ROBO2: variants seen among roughly 807,000 people sequenced by gnomAD.
The protein encoded by ROBO2 is roundabout guidance receptor 2, also known as roundabout homolog 2.
In ROBO2, 53 loss-of-function variants were observed where a neutral mutation model predicts 160.8. The observed-to-expected ratio is 0.33, with a 90% CI of 0.26 to 0.41. The LOEUF (loss-of-function observed/expected upper bound fraction) is 0.41. Among genes scored for constraint, ROBO2 ranks in the 10% least tolerant of loss-of-function variants. The pLI is 1.00. For synonymous variants in ROBO2, 664 were observed against 611.7 expected, an observed-to-expected ratio of 1.09 and a Z score of -1.26; for missense variants, 1,577 against 1,722.4, an observed-to-expected ratio of 0.92 and a Z score of 1.49.
At chr3:76,079,588 A>G (rs2068751948) in intron 2 of ROBO2, among the ~76,000 whole-genome samples, 1 of 151,474 alleles carries the variant, frequency 6.6e-6, no homozygotes, top group African/African-American at 2.4e-5. Context: ...GGTTCAAGCA[A>G]TTCTCCCACC....
At chr3:77,003,903 A>G (rs901694279) in intron 2 of ROBO2, among the ~76,000 whole-genome samples, 1 of 152,058 alleles carries the variant, frequency 6.6e-6, no homozygotes, top group African/African-American at 2.4e-5. Flanking sequence ...TGTGAGATGC[A>G]TGTTTTCTCT....
chr3:77,387,066 A>G (rs78866732), intron 2 of ROBO2, among the ~76,000 whole-genome samples: 6 of 152,020 alleles, frequency 3.9e-5, no homozygotes, highest in Non-Finnish European at 5.9e-5. Flanking sequence ...GGGATGTTAG[A>G]GTGAAATCTT....
intron 2 of ROBO2, among the ~76,000 whole-genome samples, chr3:76,876,683 A>G (rs1426155366): frequency 1.3e-5 from 2 of 152,132 alleles, no homozygotes; most frequent in South Asian, 4.1e-4. Context: ...TCAAGAAAAA[A>G]AAAAAAGAGT....
intron 2 of ROBO2, among the ~76,000 whole-genome samples, chr3:76,477,087 G>T (rs768790074): frequency 6.6e-6 from 1 of 152,144 alleles, no homozygotes; most frequent in Admixed American, 6.5e-5. Flanking sequence ...TGTCTACTCC[G>T]TGGAGGTGTC....
At chr3:75,944,755 A>T (rs528593165) in intron 2 of ROBO2, among the ~76,000 whole-genome samples, 1 of 152,328 alleles carries the variant, frequency 6.6e-6, no homozygotes, top group East Asian at 1.9e-4. Flanking sequence ...TTTCATAGTT[A>T]ATTATGTTTG....
intron 2 of ROBO2, among the ~76,000 whole-genome samples, chr3:77,102,031 C>T (rs1167023547): frequency 3.3e-5 from 5 of 152,174 alleles, no homozygotes; most frequent in Admixed American, 6.5e-5. Flanking sequence ...CAGAGTGAAA[C>T]CCTATCTCAA....
At chr3:76,353,693 T>G (rs1488981871) in intron 2 of ROBO2, among the ~76,000 whole-genome samples, 1 of 151,970 alleles carries the variant, frequency 6.6e-6, no homozygotes, top group Non-Finnish European at 1.5e-5. Context: ...TTTGAGACAC[T>G]ACAACCTTCG....
At chr3:76,248,813 T>A (rs1705799706) in intron 2 of ROBO2, among the ~76,000 whole-genome samples, 1 of 152,096 alleles carries the variant, frequency 6.6e-6, no homozygotes, top group South Asian at 2.1e-4. Flanking sequence ...AACCCTGTCA[T>A]TTCACCAACC....
intron 2 of ROBO2, among the ~76,000 whole-genome samples, chr3:77,431,322 A>C (rs541802338): frequency 8.5e-5 from 13 of 152,324 alleles, no homozygotes; most frequent in African/African-American, 3.1e-4. Context: ...TAAAGGGGTT[A>C]TGATCATCCA....
intron 2 of ROBO2, among the ~76,000 whole-genome samples, chr3:76,134,236 T>A (rs536892435): frequency 6.6e-6 from 1 of 151,878 alleles, no homozygotes; most frequent in South Asian, 2.1e-4. Flanking sequence ...TGGCACTCTC[T>A]TTTCTTTATT....
intron 2 of ROBO2, among the ~76,000 whole-genome samples, chr3:76,370,103 A>G (rs1333406078): frequency 1.3e-5 from 2 of 151,988 alleles, no homozygotes; most frequent in Non-Finnish European, 2.9e-5. Flanking sequence ...TGCATTTAGT[A>G]AAAGTCAGAT....
chr3:76,798,317 A>AAGAAAGAAAAG (rs1560581264), intron 2 of ROBO2, among the ~76,000 whole-genome samples: 1 of 151,160 alleles, frequency 6.6e-6, no homozygotes, highest in East Asian at 1.9e-4. Context: ...AGAAAGAAAA[A>AAGAAAGAAAAG]AGAACGAATG....
At chr3:76,423,242 G>T (rs1043224148) in intron 2 of ROBO2, among the ~76,000 whole-genome samples, 5 of 152,196 alleles carry the variant, frequency 3.3e-5, no homozygotes, top group African/African-American at 1.2e-4. Flanking sequence ...GAGCAGATAA[G>T]GAAGACACAG....
rs1418569820 is a variant in ROBO2 at position 77,575,134 on chromosome 3, C to T, written c.2203+404C>T. On this transcript the variant is annotated intron_variant, in intron 14 of 25. Transcript: ENST00000461745. ...ATTTTCTTTTATTAGCCACTTTTTCCTATGGGCACTGCCAGTCAAACCCAT... is the reference window on the plus strand; with the variant it reads ...ATTTTCTTTTATTAGCCACTTTTTCTTATGGGCACTGCCAGTCAAACCCAT... Among the ~76,000 whole-genome samples, 4 of 152,072 alleles carry T rather than the reference C, an allele frequency of 2.6e-5. No homozygotes were observed. In the East Asian group the frequency reaches 7.7e-4, roughly 29 times the overall value.
At chr3:77,614,047 AT>A (rs1011070372) in intron 21 of ROBO2, among the ~76,000 whole-genome samples, 2 of 152,186 alleles carry the variant, frequency 1.3e-5, no homozygotes, top group African/African-American at 4.8e-5. Flanking sequence ...AAACAAATTA[AT>A]TTATTTGAGC....
upstream of ROBO2, among the ~76,000 whole-genome samples, chr3:77,038,257 A>C (rs2063753071): frequency 6.6e-6 from 1 of 152,182 alleles, no homozygotes; most frequent in African/African-American, 2.4e-5. Context: ...TTAACAACCG[A>C]ATGCACTTTT....
chr3:76,209,011 G>GA (rs35267050), intron 2 of ROBO2, among the ~76,000 whole-genome samples: 1 of 151,950 alleles, frequency 6.6e-6, no homozygotes. Context: ...CTACTCCCAG[G>GA]AAAAAACATG....
At chr3:77,462,746 A>G (rs2082372655) in intron 2 of ROBO2, among the ~76,000 whole-genome samples, 1 of 133,344 alleles carries the variant, frequency 7.5e-6, no homozygotes, top group African/African-American at 2.7e-5. Flanking sequence ...TTCCTCCCTT[A>G]TTCTTTACTT....
At chr3:77,518,068 G>C (rs2090206265) in intron 5 of ROBO2, among the ~76,000 whole-genome samples, 1 of 151,522 alleles carries the variant, frequency 6.6e-6, no homozygotes, top group African/African-American at 2.4e-5. Flanking sequence ...TTGTAGGAGA[G>C]AGAGTATACT....
Sources: allele counts gnomAD v4.1 joint callset (sites outside exome capture counted in the v4.1 genomes callset), GRCh38; gene constraint gnomAD v4.1.1; transcripts MANE v1.5; gene names NCBI Gene and HGNC (gene_info 2026-07-23, HGNC 2026-07-21).